CWF19L2: variants seen among roughly 807,000 people sequenced by gnomAD.
The protein encoded by CWF19L2 is CWF19 like cell cycle control factor 2.
CWF19L2 carries 98 observed loss-of-function variants against 111.7 expected under a neutral mutation model. That is an observed-to-expected ratio of 0.88 (90% confidence interval 0.75 to 1.04). The LOEUF (loss-of-function observed/expected upper bound fraction) is 1.04. CWF19L2 is among the 50% of genes least tolerant of loss of function. The pLI, the probability that CWF19L2 is intolerant of heterozygous loss-of-function variation, is 0.00. For missense variants in CWF19L2, 1,101 were observed against 1,051.4 expected, an observed-to-expected ratio of 1.05 and a Z score of -0.65; for synonymous variants, 351 against 342.9, an observed-to-expected ratio of 1.02 and a Z score of -0.26.
In CWF19L2 at chr11:107,373,776, C is replaced by G. The variant is rs573836906; in HGVS notation, c.1872+16298G>C. On this transcript the variant is annotated intron_variant, in intron 12 of 17. Coordinates refer to ENST00000282251, the MANE Select transcript of CWF19L2 (RefSeq NM_152434.3). ...CGGAACAAAGCTGGATGGAGAATGA[C>G]TTTGACGAGCTGAGAGAAGAAGGCT... Among the ~76,000 whole-genome samples the G allele has an allele frequency of 7.2e-3, 959 of 133,864 alleles. 119 individuals are homozygous for G. The highest frequency in any genetic ancestry group is 0.011 in the Non-Finnish European group (660 of 62,582). 87.8% of individuals were successfully genotyped at this position (133,864 alleles called of 152,430 possible).
chr11:107,416,118 TA>T, intron 10 of CWF19L2, 90 bp downstream of exon 10: 1 of 328,690 alleles, frequency 3.0e-6, no homozygotes. Context: ...TAAAATAAAA[TA>T]AAAAATAAAA....
rs555418022 is a variant in CWF19L2 at position 107,431,366 on chromosome 11, T to A, written c.781-1915A>T. Among the ~76,000 whole-genome samples, 390 of 151,738 alleles carry A rather than the reference T, an allele frequency of 2.6e-3. 1 individual carries two copies. The highest frequency in any genetic ancestry group is 9.0e-3 in the African/African-American group (374 of 41,470). On this transcript the variant is annotated intron_variant, in intron 7 of 17. Coordinates refer to ENST00000282251, the MANE Select transcript of CWF19L2 (RefSeq NM_152434.3). ...AAATTCAATTTATAATATAAAAAAA[T>A]AAAAATAACCTCAATGGCATATGCA...
chr11:107,434,366 G>A (rs1412355304), intron 6 of CWF19L2, among the ~76,000 whole-genome samples: 1 of 152,016 alleles, frequency 6.6e-6, no homozygotes, highest in Non-Finnish European at 1.5e-5. Flanking sequence ...AATTTATTAA[G>A]CTGGCTTTAT....
chr11:107,454,341 A>T, intron 3 of CWF19L2, 109 bp downstream of exon 3: 2 of 817,840 alleles, frequency 2.4e-6, no homozygotes, highest in Non-Finnish European at 3.4e-6. Flanking sequence ...TCATATCATA[A>T]CTAGTAATAT....
At chr11:107,381,126 A>C (rs1860679709) in intron 12 of CWF19L2, among the ~76,000 whole-genome samples, 1 of 152,138 alleles carries the variant, frequency 6.6e-6, no homozygotes. Flanking sequence ...TGTCTGAGAT[A>C]ATGAAAAAAT....
At chr11:107,456,376 T>C (rs1272546330) in intron 1 of CWF19L2, among the ~76,000 whole-genome samples, 2 of 152,188 alleles carry the variant, frequency 1.3e-5, no homozygotes, top group East Asian at 3.8e-4. Flanking sequence ...ATCTCTACTA[T>C]AAGATTTATC....
At chr11:107,340,006 T>G (rs944072769) in intron 14 of CWF19L2, among the ~76,000 whole-genome samples, 1 of 152,166 alleles carries the variant, frequency 6.6e-6, no homozygotes, top group Non-Finnish European at 1.5e-5. Context: ...TTTGACATTC[T>G]AGATATAAAA....
At chr11:107,339,124 C>A (rs981067886) in intron 14 of CWF19L2, among the ~76,000 whole-genome samples, 3 of 152,100 alleles carry the variant, frequency 2.0e-5, no homozygotes, top group African/African-American at 7.2e-5. Flanking sequence ...TTTCAATTAG[C>A]ATATTCTCTG....
At chr11:107,342,352 T>C (rs1027009000) in intron 14 of CWF19L2, among the ~76,000 whole-genome samples, 5 of 152,124 alleles carry the variant, frequency 3.3e-5, no homozygotes, top group African/African-American at 7.2e-5. Context: ...TGTAATTTCA[T>C]TGTAATTCAA....
chr11:107,369,138 A>G lies in CWF19L2; in HGVS notation c.1873-15402T>C, dbSNP rs1046582881. 1.8e-4 allele frequency among the ~76,000 whole-genome samples: 25 copies of G among 138,038 alleles called. 6 individuals are homozygous for G. Among genetic ancestry groups the G allele is most frequent in the Non-Finnish European group, 3.3e-4 (21 of 64,312 alleles). 90.6% of individuals were successfully genotyped at this position (138,038 alleles called of 152,430 possible). A position where few individuals can be genotyped will look rare whatever the true frequency, so the allele number is the denominator to read the frequency against. ...CGCCAGTTGCTTCTATGCTAACTAT[A>G]TCAGCAAGAGTTACACGGTTTTTTA... On this transcript the variant is annotated intron_variant, in intron 12 of 17. Coordinates refer to ENST00000282251, the MANE Select transcript of CWF19L2 (RefSeq NM_152434.3).
At chr11:107,444,112 T>TA (rs71047603) in intron 3 of CWF19L2, among the ~76,000 whole-genome samples, 2 of 150,852 alleles carry the variant, frequency 1.3e-5, no homozygotes, top group Non-Finnish European at 3.0e-5. Context: ...TTTTTTTTTT[T>TA]AAGGAGGGAA....
intron 5 of CWF19L2, among the ~76,000 whole-genome samples, chr11:107,440,758 A>T (rs11212238): frequency 0.16 from 23,701 of 152,150 alleles, 2,106 homozygotes; most frequent in Middle Eastern, 0.26. Flanking sequence ...TAAGCAAAAA[A>T]CATAAATGAG....
In CWF19L2 at chr11:107,403,921, TA is replaced by T. The variant is rs58958890; in HGVS notation, c.1618-11027del. The T allele has an allele frequency of 9.7e-4, 828 of 849,934 alleles. 2 individuals carry two copies. In the African/African-American group the frequency reaches 0.011, roughly 12 times the overall value. The allele number at this position is 849,934 out of a possible 1,614,324, so 52.6% of individuals were successfully genotyped here. A position where few individuals can be genotyped will look rare whatever the true frequency, so the allele number is the denominator to read the frequency against. ...CTTCTAGTTTTCACTGAGGAACCAT[TA>T]AGGACTGGACCTGTCGTTTAAGGAC... On this transcript the variant is annotated intron_variant, in intron 10 of 17. Coordinates refer to ENST00000282251, the MANE Select transcript of CWF19L2 (RefSeq NM_152434.3).
chr11:107,392,015 A>G (rs960452093), intron 11 of CWF19L2, among the ~76,000 whole-genome samples: 1 of 152,098 alleles, frequency 6.6e-6, no homozygotes, highest in African/African-American at 2.4e-5. Context: ...ATTTCATATA[A>G]ATCAGACCTT....
At chr11:107,361,021 C>T (rs887023351) in intron 12 of CWF19L2, among the ~76,000 whole-genome samples, 10 of 152,112 alleles carry the variant, frequency 6.6e-5, no homozygotes, top group African/African-American at 9.7e-5. Context: ...ATGAATTCTT[C>T]GCCTAGATCA....
chr11:107,399,802 G>C (rs1860974810), intron 10 of CWF19L2, among the ~76,000 whole-genome samples: 1 of 152,112 alleles, frequency 6.6e-6, no homozygotes, highest in African/African-American at 2.4e-5. Flanking sequence ...CTCCAAGATA[G>C]ACCATTTGAT....
intron 3 of CWF19L2, among the ~76,000 whole-genome samples, chr11:107,452,138 A>G (rs1179619381): frequency 6.6e-6 from 1 of 152,084 alleles, no homozygotes; most frequent in African/African-American, 2.4e-5. Flanking sequence ...AGAAAAAAGT[A>G]AAAGTCTTTT....
chr11:107,381,339 C>T (rs1445757395), intron 12 of CWF19L2, among the ~76,000 whole-genome samples: 1 of 152,120 alleles, frequency 6.6e-6, no homozygotes, highest in Non-Finnish European at 1.5e-5. Context: ...CTCCCATCAC[C>T]TATAGGTGAG....
chr11:107,418,096 A>C (rs1480779107), intron 9 of CWF19L2, 98 bp downstream of exon 9: 2 of 768,370 alleles, frequency 2.6e-6, no homozygotes, highest in East Asian at 5.1e-5. Context: ...TTATTTTCAC[A>C]GTGTGCTATA....
Sources: allele counts gnomAD v4.1 joint callset (sites outside exome capture counted in the v4.1 genomes callset), GRCh38; gene constraint gnomAD v4.1.1; transcripts MANE v1.5; gene names NCBI Gene and HGNC (gene_info 2026-07-23, HGNC 2026-07-21).